The following KRT79 variants were observed in gnomAD, a reference collection of about 807,000 sequenced individuals.
KRT79 encodes the protein keratin 79, also known as keratin, type II cytoskeletal 79.
KRT79 carries 51 observed loss-of-function variants against 49.0 expected under a neutral mutation model. The ratio of observed to expected loss-of-function variants is 1.04; its 90% CI spans 0.83 to 1.31. KRT79 has a LOEUF of 1.31. Ranked by LOEUF, KRT79 falls within the 40% of genes most tolerant of loss-of-function variation. The pLI, the probability that KRT79 is intolerant of heterozygous loss-of-function variation, is 0.00. For missense variants in KRT79, 728 were observed against 688.0 expected, an observed-to-expected ratio of 1.06 and a Z score of -0.65; for synonymous variants, 312 against 286.6, an observed-to-expected ratio of 1.09 and a Z score of -0.90.
rs535635428 is a variant in KRT79 at position 52,827,903 on chromosome 12, G to A, written c.855+2120C>T. 1.4e-4 allele frequency among the ~76,000 whole-genome samples: 21 copies of A among 152,288 alleles called. No individual in the cohort carries two copies. In the East Asian group the frequency reaches 4.1e-3, roughly 29 times the overall value. On this transcript the variant is annotated intron_variant, in intron 4 of 8. Coordinates refer to ENST00000330553, the MANE Select transcript of KRT79 (RefSeq NM_175834.3). ...CCTTGTTGGAGATCACAGGGATCCA[G>A]GCTAGAAAAGCATACACTCAGAGGC...
chr12:52,827,521 C>T (rs1408323833), intron 4 of KRT79, among the ~76,000 whole-genome samples: 1 of 152,134 alleles, frequency 6.6e-6, no homozygotes, highest in Non-Finnish European at 1.5e-5. Context: ...ATGACCCTGG[C>T]AAAGTAGAAA....
Position 52,834,083 on chromosome 12 carries a change from G to C in KRT79, c.178C>G (p.Arg60Gly). 1.9e-6 allele frequency: 3 copies of C among 1,613,246 alleles called. No homozygotes were observed. The highest frequency in any genetic ancestry group is 1.1e-5 in the South Asian group (1 of 91,066). The change falls in exon 1 of 9, where the codon CGA (arginine) becomes GGA (glycine). Residue 60 changes from arginine (R) to glycine (G), a missense_variant. Transcript: ENST00000330553. ...TGGCCCCCCAAGTTATAGAGGCTTC[G>C]GCTGCCAAAGCCACCTGTGCCGGGG... Reference protein sequence around the residue: ...CGPGTGGFGSRSLYNLGGHKS... With the variant: ...CGPGTGGFGSGSLYNLGGHKS...
intron 8 of KRT79, 80 bp downstream of exon 8, chr12:52,822,265 A>G: frequency 6.9e-7 from 1 of 1,456,240 alleles, no homozygotes; most frequent in Non-Finnish European, 9.5e-7. Context: ...ATGCTTTAGG[A>G]CAGGTACAGG....
In KRT79 at chr12:52,823,887, C is replaced by T. The variant is rs767200302; in HGVS notation, c.1146G>A (p.Gln382=). The change falls in exon 6 of 9, where the codon CAG becomes CAA. Residue 382 remains glutamine, a splice_region_variant and synonymous_variant. Coordinates refer to ENST00000330553, the MANE Select transcript of KRT79 (RefSeq NM_175834.3). ...LQGEADAAKK[Q]CQQLQTAIAE... ...CCCCAAGCCCCCAGTAGAGTCCCAC[C>T]TGCTTCTTGGCTGCATCAGCCTCCC... 3 of 1,612,930 alleles carry T rather than the reference C, an allele frequency of 1.9e-6. No homozygotes were observed. Among genetic ancestry groups the T allele is most frequent in the Non-Finnish European group, 2.5e-6 (3 of 1,179,746 alleles).
chr12:52,828,522 A>C (rs946942031), intron 4 of KRT79, among the ~76,000 whole-genome samples: 2 of 152,244 alleles, frequency 1.3e-5, no homozygotes, highest in African/African-American at 4.8e-5. Context: ...AAAAGAATCA[A>C]GTTACTAAGA....
chr12:52,822,914 C>A, intron 7 of KRT79, 102 bp downstream of exon 7: 1 of 1,188,570 alleles, frequency 8.4e-7, no homozygotes, highest in East Asian at 2.5e-5. Flanking sequence ...ATCTTGCTCC[C>A]TGGTTCCTCT....
rs529161899 is a variant in KRT79 at position 52,824,273 on chromosome 12, G to A, written c.945C>T (p.Ile315=). 2.3e-5 allele frequency: 37 copies of A among 1,614,222 alleles called. No individual in the cohort carries two copies. The African/African-American group carries it at 2.7e-4, about 12-fold the overall frequency. The change falls in exon 5 of 9, where the codon ATC becomes ATT. Residue 315 remains isoleucine, a synonymous_variant. Transcript: ENST00000330553. The stretch of plus-strand genomic sequence containing the variant: ...GCTCATACTGGGCCTTGACCTCGGC[G>A]ATGATGCTGTCCAGGTCCAGGTTGC... ...NNRNLDLDSI[I]AEVKAQYELI... is the part of the protein sequence containing the mutation.
intron 5 of KRT79, 90 bp from the exon 6 acceptor site, chr12:52,824,102 C>G: frequency 6.2e-7 from 1 of 1,612,068 alleles, no homozygotes; most frequent in African/African-American, 1.3e-5. Flanking sequence ...TATATCTGGC[C>G]CCCCGGACTC....
Position 52,824,259 on chromosome 12 carries a change from G to A in KRT79, c.959C>T (p.Ala320Val), listed in dbSNP as rs374776028. The A allele has an allele frequency of 6.3e-5, 102 of 1,614,140 alleles. No individual in the cohort carries two copies. The highest frequency in any genetic ancestry group is 8.4e-5 in the Non-Finnish European group (99 of 1,180,056). The change falls in exon 5 of 9, where the codon GCC (alanine) becomes GTC (valine). Residue 320 changes from alanine (A) to valine (V), a missense_variant. Ala to Val is a moderately conservative substitution (Grantham distance 64). Coordinates refer to ENST00000330553, the MANE Select transcript of KRT79 (RefSeq NM_175834.3). Reference protein sequence around the residue: ...DLDSIIAEVKAQYELIAQRSR... With the variant: ...DLDSIIAEVKVQYELIAQRSR... ...CCTCTGGGCAATCAGCTCATACTGG[G>A]CCTTGACCTCGGCGATGATGCTGTC...
intron 7 of KRT79, among the ~76,000 whole-genome samples, chr12:52,822,801 C>T (rs112987930): frequency 6.6e-6 from 1 of 152,270 alleles, no homozygotes; most frequent in South Asian, 2.1e-4. Context: ...CCATTCCTAC[C>T]GGGCTGTCAG....
At position 52,834,264 on chromosome 12, in the gene KRT79, T is replaced by C; in HGVS notation, c.-4A>G. Reference sequence around the variant, plus strand: ...GCCGAGAGACGGAGGACCTCATAGCTGCAGAGGGGCCGGAGGGCAGGATGA... The same window carrying C: ...GCCGAGAGACGGAGGACCTCATAGCCGCAGAGGGGCCGGAGGGCAGGATGA... On this transcript the variant is annotated 5_prime_UTR_variant, in exon 1 of 9. Coordinates refer to ENST00000330553, the MANE Select transcript of KRT79 (RefSeq NM_175834.3). 1 of 1,609,970 alleles carries C rather than the reference T, an allele frequency of 6.2e-7. No individual in the cohort carries two copies.
intron 7 of KRT79, 37 bp downstream of exon 7, chr12:52,822,979 G>C (rs748820880): frequency 2.1e-5 from 33 of 1,594,264 alleles, no homozygotes; most frequent in South Asian, 3.4e-5. Flanking sequence ...GGGCAGGCCC[G>C]ACCCAGCTTT....
intron 2 of KRT79, among the ~76,000 whole-genome samples, chr12:52,830,676 T>C (rs1335329907): frequency 1.3e-5 from 2 of 151,656 alleles, no homozygotes; most frequent in Non-Finnish European, 2.9e-5. Context: ...CCACTTTTGA[T>C]GAGATTTTAA....
At chr12:52,822,993 G>C in intron 7 of KRT79, 23 bp downstream of exon 7, 1 of 1,609,900 alleles carries the variant, frequency 6.2e-7, no homozygotes, top group Non-Finnish European at 8.5e-7. Context: ...CAGCTTTCTG[G>C]GTCGGGCAGG....
At chr12:52,829,877 C>A (rs7970710) in intron 4 of KRT79, 146 bp downstream of exon 4, 7 of 686,200 alleles carry the variant, frequency 1.0e-5, no homozygotes, top group African/African-American at 3.6e-5. Context: ...GGTAACACAG[C>A]GAAACTCCGT....
chr12:52,831,623 G>A lies in KRT79; in HGVS notation c.481C>T (p.Arg161Trp), dbSNP rs371406453. 56 of 1,613,006 alleles carry A rather than the reference G, an allele frequency of 3.5e-5. No individual in the cohort carries two copies. Among genetic ancestry groups the A allele is most frequent in the South Asian group, 4.4e-5 (4 of 91,064 alleles). The change falls in exon 2 of 9, where the codon CGG becomes TGG. Residue 161 changes from arginine to tryptophan, a missense_variant. Arg to Trp is a moderately radical substitution (Grantham distance 101). Coordinates refer to ENST00000330553, the MANE Select transcript of KRT79 (RefSeq NM_175834.3). ...NKFASFIDKV[R>W]FLEQQNKVLE... ...ACCTTATTCTGTTGCTCCAGGAACC[G>A]CACCTGAGCCAGAGCAGAAAGGGTG... is the stretch of plus-strand genomic sequence containing the variant.
In KRT79 at chr12:52,834,293, G is replaced by C. The variant is rs1045035417; in HGVS notation, c.-33C>G. 6.4e-7 allele frequency: 1 copy of C among 1,558,442 alleles called. No individual in the cohort carries two copies. Among genetic ancestry groups the C allele is most frequent in the South Asian group, 1.1e-5 (1 of 89,876 alleles). On this transcript the variant is annotated 5_prime_UTR_variant, in exon 1 of 9. Transcript: ENST00000330553. ...GAGGGGCCGGAGGGCAGGATGAGAG[G>C]GCAGGAAGGGAGTGCCGTGAGCTGC...
chr12:52,824,130 C>G (rs1940142735), intron 5 of KRT79, 68 bp downstream of exon 5: 1 of 1,610,576 alleles, frequency 6.2e-7, no homozygotes, highest in Non-Finnish European at 8.5e-7. Context: ...CCCAGAGGCC[C>G]AAGCCTCTCA....
chr12:52,821,717 A>T lies in KRT79; in HGVS notation c.*155T>A, dbSNP rs1940090078. 6.0e-6 allele frequency: 4 copies of T among 670,866 alleles called. No homozygotes were observed. The East Asian group carries it at 8.2e-5, about 14-fold the overall frequency. 41.6% of individuals were successfully genotyped at this position (670,866 alleles called of 1,614,324 possible). A position where few individuals can be genotyped will look rare whatever the true frequency, so the allele number is the denominator to read the frequency against. Reference sequence around the variant, plus strand: ...CAAGGAGAAAACCTGAGTAGATTTGAGCGCTTCCCAAGATGCAAATAGTCT... The same window carrying T: ...CAAGGAGAAAACCTGAGTAGATTTGTGCGCTTCCCAAGATGCAAATAGTCT... On this transcript the variant is annotated 3_prime_UTR_variant, in exon 9 of 9. Transcript: ENST00000330553.
Sources: gnomAD v4.1 joint callset for allele counts (sites outside exome capture counted in the v4.1 genomes callset) on GRCh38, gnomAD v4.1.1 for gene constraint, MANE v1.5 for transcripts, NCBI Gene and HGNC (gene_info 2026-07-23, HGNC 2026-07-21) for gene names.